Variants in TSHZ2 observed in about 807,000 individuals in gnomAD.
The protein encoded by TSHZ2 is teashirt homolog 2.
TSHZ2 carries 21 observed loss-of-function variants against 74.4 expected under a neutral mutation model. The ratio of observed to expected loss-of-function variants is 0.28; its 90% CI spans 0.20 to 0.41. The LOEUF is 0.41. Among genes scored for constraint, TSHZ2 ranks in the 10% least tolerant of loss-of-function variants. The probability of loss-of-function intolerance (pLI) is 1.00; values close to 1 mark genes in which losing one functional copy is unlikely to be tolerated. For missense variants in TSHZ2, 1,244 were observed against 1,293.5 expected, an observed-to-expected ratio of 0.96 and a Z score of 0.59; for synonymous variants, 540 against 515.3, an observed-to-expected ratio of 1.05 and a Z score of -0.65.
At chr20:53,331,285 G>A (rs550552856) in intron 2 of TSHZ2, among the ~76,000 whole-genome samples, 8 of 152,294 alleles carry the variant, frequency 5.3e-5, no homozygotes, top group African/African-American at 9.6e-5. Flanking sequence ...CAGCTTGAAC[G>A]GAAGGTAGTA....
At chr20:53,273,283 T>C (rs1052190710) in intron 2 of TSHZ2, 2 of 147,996 alleles carry the variant, frequency 1.4e-5, no homozygotes, top group Non-Finnish European at 3.0e-5. Flanking sequence ...AACAGGCATG[T>C]GGCATGATCT....
intron 2 of TSHZ2, among the ~76,000 whole-genome samples, chr20:53,330,608 A>G (rs1979686133): frequency 6.6e-6 from 1 of 152,150 alleles, no homozygotes; most frequent in Admixed American, 6.6e-5. Context: ...TGGAGATTGT[A>G]TGTTTTATTT....
At chr20:53,036,628 G>T (rs567581811) in intron 1 of TSHZ2, among the ~76,000 whole-genome samples, 390 of 147,540 alleles carry the variant, frequency 2.6e-3, no homozygotes, top group African/African-American at 9.3e-3. Context: ...GAGAGGTTGG[G>T]TTTATTGCAT....
At chr20:53,325,671 T>C (rs184175132) in intron 2 of TSHZ2, among the ~76,000 whole-genome samples, 67 of 147,642 alleles carry the variant, frequency 4.5e-4, no homozygotes, top group African/African-American at 1.7e-3. Flanking sequence ...CTTTGTTTGT[T>C]GTTTGTTTGT....
At chr20:53,161,130 CAA>C (rs368626161) in intron 1 of TSHZ2, among the ~76,000 whole-genome samples, 27 of 67,966 alleles carry the variant, frequency 4.0e-4, no homozygotes, top group South Asian at 1.5e-3. Flanking sequence ...TTATTTTCAG[CAA>C]AAAAAAAAAA....
At chr20:53,356,893 A>T (rs1377554192) in intron 2 of TSHZ2, among the ~76,000 whole-genome samples, 2 of 152,218 alleles carry the variant, frequency 1.3e-5, no homozygotes, top group African/African-American at 4.8e-5. Flanking sequence ...AATAATAAGG[A>T]TGAATGAAAA....
intron 1 of TSHZ2, among the ~76,000 whole-genome samples, chr20:53,237,263 A>G (rs754975289): frequency 3.3e-5 from 5 of 152,208 alleles, no homozygotes; most frequent in Non-Finnish European, 5.9e-5. Flanking sequence ...AGGTCTCAAA[A>G]TCAATGCCTC....
At chr20:53,450,339 T>A (rs973673918) in intron 2 of TSHZ2, among the ~76,000 whole-genome samples, 1 of 152,232 alleles carries the variant, frequency 6.6e-6, no homozygotes, top group South Asian at 2.1e-4. Context: ...AGCATTTTGA[T>A]TGCTTTGGCA....
chr20:52,998,841 G>T (rs749225734), intron 1 of TSHZ2, among the ~76,000 whole-genome samples: 6 of 152,112 alleles, frequency 3.9e-5, no homozygotes, highest in African/African-American at 9.7e-5. Context: ...AATATTGTAG[G>T]CGTATTGCTG....
At chr20:53,171,269 A>G (rs1016340907) in intron 1 of TSHZ2, among the ~76,000 whole-genome samples, 2 of 152,224 alleles carry the variant, frequency 1.3e-5, no homozygotes, top group African/African-American at 2.4e-5. Flanking sequence ...TTTGTACAGC[A>G]CATTTGCTTT....
At chr20:53,139,506 G>C (rs1987334898) in intron 1 of TSHZ2, among the ~76,000 whole-genome samples, 1 of 152,150 alleles carries the variant, frequency 6.6e-6, no homozygotes, top group Non-Finnish European at 1.5e-5. Flanking sequence ...CCAGCTGCCA[G>C]CCTGGAGTAC....
intron 1 of TSHZ2, among the ~76,000 whole-genome samples, chr20:53,043,191 T>C (rs1442935930): frequency 2.6e-5 from 4 of 152,204 alleles, no homozygotes; most frequent in Non-Finnish European, 5.9e-5. Context: ...TGGAAAAATA[T>C]AAATGAAACT....
At chr20:53,098,214 T>G (rs1417992417) in intron 1 of TSHZ2, among the ~76,000 whole-genome samples, 2 of 152,214 alleles carry the variant, frequency 1.3e-5, no homozygotes, top group Non-Finnish European at 2.9e-5. Flanking sequence ...TCACTGGTAC[T>G]CAATAAATAC....
At chr20:53,215,740 T>A (rs1443209395) in intron 1 of TSHZ2, among the ~76,000 whole-genome samples, 1 of 151,658 alleles carries the variant, frequency 6.6e-6, no homozygotes, top group Non-Finnish European at 1.5e-5. Context: ...TGGTGGCACA[T>A]GCCTGTAATT....
chr20:53,230,631 G>A (rs983525110), intron 1 of TSHZ2, among the ~76,000 whole-genome samples: 4 of 152,196 alleles, frequency 2.6e-5, no homozygotes, highest in East Asian at 1.9e-4. Flanking sequence ...GGTGGCTCAC[G>A]CCTGTAATCC....
intron 2 of TSHZ2, among the ~76,000 whole-genome samples, chr20:53,349,661 A>G (rs1251103381): frequency 2.0e-5 from 3 of 151,832 alleles, no homozygotes; most frequent in Non-Finnish European, 4.4e-5. Flanking sequence ...CAAAAAAAAA[A>G]AAAAAAGAAG....
At chr20:53,078,375 CA>C (rs1192328770) in intron 1 of TSHZ2, among the ~76,000 whole-genome samples, 2 of 151,956 alleles carry the variant, frequency 1.3e-5, no homozygotes, top group Non-Finnish European at 2.9e-5. Flanking sequence ...GAAGATTTGC[CA>C]AGTCCAAGAA....
At chr20:53,263,044 A>G (rs1411510641) in intron 2 of TSHZ2, among the ~76,000 whole-genome samples, 1 of 152,148 alleles carries the variant, frequency 6.6e-6, no homozygotes, top group Non-Finnish European at 1.5e-5. Flanking sequence ...ATGTTCATGT[A>G]TTTCTTTGTG....
intron 2 of TSHZ2, among the ~76,000 whole-genome samples, chr20:53,456,196 A>G (rs1177586607): frequency 2.0e-5 from 3 of 149,932 alleles, no homozygotes; most frequent in East Asian, 3.9e-4. Flanking sequence ...AAGTGTTCCT[A>G]TTTCTCCACA....
Sources: allele counts gnomAD v4.1 joint callset (sites outside exome capture counted in the v4.1 genomes callset), GRCh38; gene constraint gnomAD v4.1.1; transcripts MANE v1.5; gene names NCBI Gene and HGNC (gene_info 2026-07-23, HGNC 2026-07-21).